The following SATL1 variants were observed in gnomAD, a reference collection of about 807,000 sequenced individuals.
SATL1 encodes spermidine/spermine N1-acetyl transferase like 1.
In SATL1, 47 loss-of-function variants were observed where a neutral mutation model predicts 51.8. That is an observed-to-expected ratio of 0.91 (90% CI 0.72 to 1.16). The LOEUF is 1.16. SATL1 is among the 50% of genes most tolerant of loss of function. The pLI is 0.00. For synonymous variants in SATL1, 176 were observed against 182.4 expected (o/e 0.97, Z 0.28); for missense variants, 520 against 526.4 (o/e 0.99, Z 0.12).
intron 2 of SATL1, among the ~76,000 whole-genome samples, chrX:85,188,802 T>C (rs868035154): frequency 4.4e-5 from 5 of 112,411 alleles, no homozygotes; most frequent in Non-Finnish European, 7.5e-5. Flanking sequence ...GTATGAGTGC[T>C]ATGCACCTTG....
At chrX:85,173,173 T>C (rs1471126995) in intron 2 of SATL1, among the ~76,000 whole-genome samples, 1 of 111,209 alleles carries the variant, frequency 9.0e-6, no homozygotes, top group African/African-American at 3.3e-5. Flanking sequence ...GAGCCTCTTC[T>C]GTGAAAACTC....
At chrX:85,196,726 A>G (rs1927571287) in intron 2 of SATL1, among the ~76,000 whole-genome samples, 1 of 111,715 alleles carries the variant, frequency 9.0e-6, no homozygotes, top group Non-Finnish European at 1.9e-5. Flanking sequence ...AAGGGTGCCA[A>G]TAAAATCCAA....
rs548030941 is a variant in SATL1, at chrX:85,178,386, G to T, written c.-313+45819C>A. On this transcript the variant is annotated intron_variant, in intron 2 of 7. Transcript: ENST00000644105. ...CTGACATAAATTTTAAAGGTCCTTT[G>T]GTATGGAAACCTGTCAAAGATTTTG... Among the ~76,000 whole-genome samples the T allele has an allele frequency of 2.4e-4, 27 of 110,510 alleles. No homozygotes were observed. The South Asian group carries it at 0.01, about 42-fold the overall frequency.
chrX:85,136,390 A>G (rs1251538678), intron 2 of SATL1, among the ~76,000 whole-genome samples: 1 of 112,057 alleles, frequency 8.9e-6, no homozygotes, highest in African/African-American at 3.2e-5. Context: ...CCCCAATGAT[A>G]TAATCCTAAG....
chrX:85,155,963 A>G (rs923086430), intron 2 of SATL1, among the ~76,000 whole-genome samples: 7 of 111,742 alleles, frequency 6.3e-5, no homozygotes, highest in Admixed American at 5.8e-4. Flanking sequence ...GTACTAATGG[A>G]TAGATAAAGG....
In SATL1 at chrX:85,149,025, G is replaced by A. The variant is rs1219540821; in HGVS notation, c.-312-39745C>T. ...AATGAAAAGACACAGACTGGCAAAT[G>A]GCATAAAGAGTCAAGACCCATCAGT... On this transcript the variant is annotated intron_variant, in intron 2 of 7. Transcript: ENST00000644105. 1.5e-4 allele frequency among the ~76,000 whole-genome samples: 17 copies of A among 111,436 alleles called. No homozygotes were observed. In the Middle Eastern group the frequency reaches 0.014, roughly 91 times the overall value.
At position 85,107,726 on chromosome X, in the gene SATL1, C is replaced by A; in HGVS notation, c.1243G>T (p.Gly415Cys). ...TGGCTCAGGCCTGTTTGCCATGTGC[C>A]TGGTTGGCTCATGCCTATTTGGCTT... is the stretch of plus-strand genomic sequence containing the variant. ...GTSQIGMSQP[G>C]TWQTGLSQPV... is the part of the protein sequence containing the mutation. Residue 415 changes from glycine (G) to cysteine (C), a missense_variant, in exon 3 of 8, where the codon GGC (glycine) becomes TGC (cysteine). This residue lies in a region of SATL1 where 488 missense variants were observed against 474.3 expected (regional missense o/e 1.03). Coordinates refer to ENST00000644105, the MANE Select transcript of SATL1 (RefSeq NM_001367857.2). The A allele has an allele frequency of 8.3e-7, 1 of 1,212,005 alleles. No individual in the cohort carries two copies. The highest frequency in any genetic ancestry group is 1.1e-6 in the Non-Finnish European group (1 of 895,471).
intron 2 of SATL1, among the ~76,000 whole-genome samples, chrX:85,121,210 C>CA (rs1177044568): frequency 1.9e-5 from 2 of 107,455 alleles, no homozygotes; most frequent in East Asian, 5.8e-4. Flanking sequence ...TAAGAAAGTG[C>CA]AAATGTAAGG....
intron 2 of SATL1, among the ~76,000 whole-genome samples, chrX:85,187,748 A>T (rs763645437): frequency 4.5e-5 from 5 of 111,577 alleles, no homozygotes; most frequent in African/African-American, 1.6e-4. Context: ...TTTTGCATCT[A>T]TGTTCATCAG....
chrX:85,155,192 T>C (rs1046462143), intron 2 of SATL1, among the ~76,000 whole-genome samples: 1 of 111,683 alleles, frequency 9.0e-6, no homozygotes, highest in Non-Finnish European at 1.9e-5. Flanking sequence ...TAAATTACTG[T>C]GGAGAATTCC....
At chrX:85,185,085 G>T (rs1049296438) in intron 2 of SATL1, among the ~76,000 whole-genome samples, 4 of 112,253 alleles carry the variant, frequency 3.6e-5, no homozygotes, top group Non-Finnish European at 7.5e-5. Context: ...GGATCTTGCA[G>T]CCCCATAGTG....
intron 2 of SATL1, among the ~76,000 whole-genome samples, chrX:85,131,999 G>T (rs1376846171): frequency 9.0e-6 from 1 of 111,434 alleles, no homozygotes; most frequent in Non-Finnish European, 1.9e-5. Flanking sequence ...TGGCTTGTAA[G>T]GTTTCTACCG....
In SATL1 at chrX:85,175,598, G is replaced by A. The variant is rs771357814; in HGVS notation, c.-313+48607C>T. 2.7e-5 allele frequency among the ~76,000 whole-genome samples: 3 copies of A among 111,347 alleles called. No individual in the cohort carries two copies. The South Asian group carries it at 1.1e-3, about 42-fold the overall frequency. Reference sequence around the variant, plus strand: ...GCACAGGAAATCAGATTAATTAAAGGACAGTTTAATAAAGGGACTATTTGG... The same window carrying A: ...GCACAGGAAATCAGATTAATTAAAGAACAGTTTAATAAAGGGACTATTTGG... On this transcript the variant is annotated intron_variant, in intron 2 of 7. Coordinates refer to ENST00000644105, the MANE Select transcript of SATL1 (RefSeq NM_001367857.2).
chrX:85,145,051 A>G (rs1391812725), intron 2 of SATL1, among the ~76,000 whole-genome samples: 1 of 110,229 alleles, frequency 9.1e-6, no homozygotes, highest in South Asian at 3.9e-4. Flanking sequence ...AAAATAAAAT[A>G]AATAAAATAA....
At chrX:85,154,275 G>T (rs1452307823) in intron 2 of SATL1, among the ~76,000 whole-genome samples, 1 of 110,678 alleles carries the variant, frequency 9.0e-6, no homozygotes, top group Non-Finnish European at 1.9e-5. Flanking sequence ...GTGGGAGACG[G>T]CGTACCATTA....
In SATL1 at chrX:85,217,315, G is replaced by T. The variant is rs376177896; in HGVS notation, c.-313+6890C>A. On this transcript the variant is annotated intron_variant, in intron 2 of 7. Coordinates refer to ENST00000644105, the MANE Select transcript of SATL1 (RefSeq NM_001367857.2). Reference sequence around the variant, plus strand: ...CAAAAGCAAAGCAATATTGGTACAAGAGGTGGATAAGAGACTCAAAAAAGA... The same window carrying T: ...CAAAAGCAAAGCAATATTGGTACAATAGGTGGATAAGAGACTCAAAAAAGA... Among the ~76,000 whole-genome samples, 3 of 111,340 alleles carry T rather than the reference G, an allele frequency of 2.7e-5. No individual in the cohort carries two copies. The East Asian group carries it at 8.5e-4, about 32-fold the overall frequency.
In SATL1 at chrX:85,147,573, C is replaced by T. The variant is rs770949430; in HGVS notation, c.-312-38293G>A. Among the ~76,000 whole-genome samples the T allele has an allele frequency of 5.3e-5, 6 of 112,470 alleles. No individual in the cohort carries two copies. In the South Asian group the frequency reaches 1.1e-3, roughly 21 times the overall value. ...AGCAGCCTAACTAGGAGGCACCCCC[C>T]AGTAGGGGCAGACTGACACCTCACA... On this transcript the variant is annotated intron_variant, in intron 2 of 7. Transcript: ENST00000644105.
chrX:85,242,325 T>C, intron 1 of SATL1, among the ~76,000 whole-genome samples: 1 of 112,337 alleles, frequency 8.9e-6, no homozygotes, highest in Non-Finnish European at 1.9e-5. Flanking sequence ...CTCATAAAAA[T>C]ATCTTTCTTC....
intron 1 of SATL1, among the ~76,000 whole-genome samples, chrX:85,226,215 T>A (rs1260508491): frequency 9.0e-6 from 1 of 111,049 alleles, no homozygotes; most frequent in Non-Finnish European, 1.9e-5. Flanking sequence ...TTTATATCCT[T>A]AACCTCTTTT....
Sources: gnomAD v4.1 joint callset for allele counts (sites outside exome capture counted in the v4.1 genomes callset) on GRCh38, gnomAD v4.1.1 for gene constraint, gnomAD v4.1.1 regional missense constraint, MANE v1.5 for transcripts, NCBI Gene and HGNC (gene_info 2026-07-23, HGNC 2026-07-21) for gene names.